NEB: variants seen among roughly 807,000 people sequenced by gnomAD.
The protein encoded by NEB is nemaline myopathy type 2.
Under a neutral mutation model 952.2 loss-of-function variants are expected in NEB, and 512 were observed. That is an observed-to-expected ratio of 0.54 (90% confidence interval 0.50 to 0.58). The LOEUF (loss-of-function observed/expected upper bound fraction) is 0.58, where lower values mean the gene tolerates loss of function less well. NEB is among the 20% of genes least tolerant of loss of function. NEB has a pLI of 0.00. For missense variants in NEB, 8,428 were observed against 9,231.1 expected, an observed-to-expected ratio of 0.91 and a Z score of 3.56; for synonymous variants, 2,900 against 3,149.8, an observed-to-expected ratio of 0.92 and a Z score of 2.66.
intron 64 of NEB, among the ~76,000 whole-genome samples, chr2:151,634,416 G>A (rs925099978): frequency 6.6e-6 from 1 of 152,166 alleles, no homozygotes; most frequent in African/African-American, 2.4e-5. Flanking sequence ...GGCTAAGGCA[G>A]GTGGATCATG....
rs764632826 is a variant in NEB, at chr2:151,684,839, C to T, written c.2774G>A (p.Ser925Asn). Residue 925 changes from serine (S) to asparagine (N), a missense_variant, in exon 28 of 182, where the codon AGC becomes AAC. Transcript: ENST00000397345. ...CACATTGATGCTATCAGGGGGGTAG[C>T]TGTAACTGTGTAAGATGTGCTTATA... ...VDYKHILHSY[S>N]YPPDSINVDL... The T allele has an allele frequency of 1.2e-6, 2 of 1,613,366 alleles. No individual in the cohort carries two copies. The highest frequency in any genetic ancestry group is 1.7e-6 in the Non-Finnish European group (2 of 1,179,608).
At chr2:151,676,079 T>C (rs1250652444) in intron 34 of NEB, among the ~76,000 whole-genome samples, 2 of 152,200 alleles carry the variant, frequency 1.3e-5, no homozygotes, top group Non-Finnish European at 2.9e-5. Context: ...AATCTCATAA[T>C]TCTCATTTCT....
At chr2:151,693,835 A>T (rs1428192055) in intron 20 of NEB, among the ~76,000 whole-genome samples, 1 of 152,174 alleles carries the variant, frequency 6.6e-6, no homozygotes, top group East Asian at 1.9e-4. Context: ...AATAAGATCA[A>T]TATTCTATAA....
chr2:151,498,385 A>T (rs1559231400), intron 169 of NEB, 33 bp from the exon 170 acceptor site: 1 of 1,463,444 alleles, frequency 6.8e-7, no homozygotes, highest in East Asian at 2.5e-5. Context: ...GAACAAAAAA[A>T]GCAATCAATC....
intron 168 of NEB, among the ~76,000 whole-genome samples, chr2:151,500,692 G>T (rs900412173): frequency 1.3e-5 from 2 of 150,434 alleles, no homozygotes; most frequent in Admixed American, 1.3e-4. Context: ...GACTTCCTAG[G>T]GTTCAGATGA....
chr2:151,535,751 C>T lies in NEB; in HGVS notation c.21252G>A (p.Lys7084=), dbSNP rs1202265375. The change falls in exon 142 of 182, where the codon AAG becomes AAA. Residue 7084 remains lysine (K), a synonymous_variant. Transcript: ENST00000397345. Reference sequence around the variant, plus strand: ...TATTGATCGGAGAGTCGGCAACATACTTGAAATCTGACTTTGTCCTTTCAA... The same window carrying T: ...TATTGATCGGAGAGTCGGCAACATATTTGAAATCTGACTTTGTCCTTTCAA... ...EVFERTKSDF[K]YVADSPINRH... 5.0e-6 allele frequency: 8 copies of T among 1,608,596 alleles called. No homozygotes were observed. Among genetic ancestry groups the T allele is most frequent in the Non-Finnish European group, 6.8e-6 (8 of 1,177,046 alleles).
chr2:151,705,356 A>G (rs2099701194), intron 13 of NEB, among the ~76,000 whole-genome samples: 1 of 152,194 alleles, frequency 6.6e-6, no homozygotes, highest in Admixed American at 6.5e-5. Context: ...CATGTTTAAT[A>G]TTTTTATATT....
chr2:151,578,229 T>A (rs2096952157), intron 105 of NEB, among the ~76,000 whole-genome samples: 1 of 151,442 alleles, frequency 6.6e-6, no homozygotes, highest in African/African-American at 2.4e-5. Context: ...TACGAGTAAA[T>A]CTAAAAATGC....
rs781233538 is a variant in NEB, at chr2:151,694,327, C to T, written c.1892G>A (p.Ser631Asn). 6.2e-7 allele frequency: 1 copy of T among 1,612,844 alleles called. No individual in the cohort carries two copies. The highest frequency in any genetic ancestry group is 1.3e-5 in the African/African-American group (1 of 74,902). The change falls in exon 20 of 182, where the codon AGT becomes AAT. Residue 631 changes from serine (S) to asparagine (N), a missense_variant. Transcript: ENST00000397345. ...LHSLKVAKNQ[S>N]DRLYKENYEK... ...GTGAATTACAAAGAAACTCACATCA[C>T]TCTGGTTTTTGGCCACCTTCAAGGA...
rs75320668 is a variant in NEB, at chr2:151,697,531, T to A, written c.1257+13A>T. The stretch of plus-strand genomic sequence containing the variant: ...CTTTTTTTAACAGAAAGAGTGACAG[T>A]AGGATTGCTTACATCACTACTGAAG... On this transcript the variant is annotated intron_variant, in intron 14 of 181. Coordinates refer to ENST00000397345, the MANE Select transcript of NEB (RefSeq NM_001164508.2). The A allele has an allele frequency of 7.2e-4, 1,159 of 1,609,340 alleles. 4 individuals carry two copies. In the African/African-American group the frequency reaches 0.011, roughly 16 times the overall value.
chr2:151,679,682 A>AATT, intron 32 of NEB, 39 bp downstream of exon 32: 3 of 458,242 alleles, frequency 6.5e-6, no homozygotes, highest in South Asian at 1.8e-5. Context: ...ACCCACCCAC[A>AATT]TTTTCTAGTT....
chr2:151,691,994 A>T, intron 22 of NEB, 26 bp from the exon 23 acceptor site: 1 of 1,608,994 alleles, frequency 6.2e-7, no homozygotes, highest in Non-Finnish European at 8.5e-7. Flanking sequence ...CCAAAAATAG[A>T]TCATGATTGT....
chr2:151,654,606 T>C (rs114082480), intron 51 of NEB, among the ~76,000 whole-genome samples: 1 of 152,356 alleles, frequency 6.6e-6, no homozygotes, highest in Non-Finnish European at 1.5e-5. Context: ...TAAAACTGGG[T>C]AATAACAAAA....
At chr2:151,548,558 AT>A in intron 130 of NEB, 143 bp from the exon 131 acceptor site, 1 of 601,060 alleles carries the variant, frequency 1.7e-6, no homozygotes, top group Non-Finnish European at 2.9e-6. Context: ...CATTGACAAA[AT>A]TTCAATATTA....
chr2:151,505,892 T>C, intron 164 of NEB: 1 of 545,062 alleles, frequency 1.8e-6, no homozygotes, highest in Non-Finnish European at 3.3e-6. Context: ...TTGACATACA[T>C]ATATCCAGGA....
At chr2:151,711,842 A>C (rs1468962552) in intron 10 of NEB, among the ~76,000 whole-genome samples, 1 of 152,206 alleles carries the variant, frequency 6.6e-6, no homozygotes, top group Non-Finnish European at 1.5e-5. Flanking sequence ...AACAGAAAGA[A>C]ACTCTGTAAG....
At position 151,676,911 on chromosome 2, in the gene NEB, A is replaced by G. The variant is rs527347377; in HGVS notation, c.3774+654T>C. Among the ~76,000 whole-genome samples the G allele has an allele frequency of 1.1e-3, 164 of 152,324 alleles. 2 individuals carry two copies. The highest frequency in any genetic ancestry group is 3.4e-3 in the African/African-American group (142 of 41,576). The stretch of plus-strand genomic sequence containing the variant: ...CAGCAGGTAATACAGTGCCTGGCAC[A>G]TGGTAAATGTTCAAAAAGCATTCAT... On this transcript the variant is annotated intron_variant, in intron 34 of 181. Coordinates refer to ENST00000397345, the MANE Select transcript of NEB (RefSeq NM_001164508.2).
intron 181 of NEB, 46 bp from the exon 182 acceptor site, chr2:151,485,979 C>G: frequency 6.4e-7 from 1 of 1,570,242 alleles, no homozygotes; most frequent in Non-Finnish European, 8.7e-7. Flanking sequence ...GTTGGATTTG[C>G]AACAGTTAAC....
chr2:151,612,307 C>G lies in NEB; in HGVS notation c.11684G>C (p.Arg3895Thr), dbSNP rs1163266727. 4 of 1,613,860 alleles carry G rather than the reference C, an allele frequency of 2.5e-6. No individual in the cohort carries two copies. Among genetic ancestry groups the G allele is most frequent in the South Asian group, 2.2e-5 (2 of 91,086 alleles). Residue 3895 changes from arginine to threonine, a missense_variant, in exon 78 of 182, where the codon AGA becomes ACA. Transcript: ENST00000397345. ...IGSVEVEKVKRAGEILSDRKY... is the reference protein window; with the variant it reads ...IGSVEVEKVKTAGEILSDRKY... Reference sequence around the variant, plus strand: ...CCTGTCACTCAGGATTTCTCCAGCTCTCTTCACTTTCTCGACCTCTACAGA... The same window carrying G: ...CCTGTCACTCAGGATTTCTCCAGCTGTCTTCACTTTCTCGACCTCTACAGA...
Sources: gnomAD v4.1 joint callset for allele counts (sites outside exome capture counted in the v4.1 genomes callset) on GRCh38, gnomAD v4.1.1 for gene constraint, MANE v1.5 for transcripts, NCBI Gene and HGNC (gene_info 2026-07-23, HGNC 2026-07-21) for gene names.